The following ZBTB38 variants were observed in gnomAD, a reference collection of about 807,000 sequenced individuals.
ZBTB38 encodes the protein zinc finger and BTB domain containing 38, also known as zinc finger and BTB domain-containing protein 38.
Under a neutral mutation model 76.8 loss-of-function variants are expected in ZBTB38, and 20 were observed. That is an observed-to-expected ratio of 0.26 (90% CI 0.18 to 0.38). The LOEUF (loss-of-function observed/expected upper bound fraction) is 0.38. Among genes scored for constraint, ZBTB38 ranks in the 10% least tolerant of loss-of-function variants. ZBTB38 has a pLI of 1.00. For missense variants in ZBTB38, 1,082 were observed against 1,482.3 expected, an observed-to-expected ratio of 0.73 and a Z score of 4.43; for synonymous variants, 504 against 544.2, an observed-to-expected ratio of 0.93 and a Z score of 1.03.
chr3:141,437,000 G>C (rs2078962413), intron 5 of ZBTB38, among the ~76,000 whole-genome samples: 1 of 152,132 alleles, frequency 6.6e-6, no homozygotes, highest in African/African-American at 2.4e-5. Context: ...TTTAGCCGTA[G>C]CACTTTCTGA....
intron 5 of ZBTB38, among the ~76,000 whole-genome samples, chr3:141,409,042 T>A (rs1955694009): frequency 6.6e-6 from 1 of 152,156 alleles, no homozygotes. Context: ...GGAGTTTATT[T>A]TTTTTTAATT....
intron 1 of ZBTB38, among the ~76,000 whole-genome samples, chr3:141,369,436 G>A (rs1399935415): frequency 6.6e-6 from 1 of 152,230 alleles, no homozygotes; most frequent in Admixed American, 6.5e-5. Flanking sequence ...AAGACACAAT[G>A]TGTCTGTTTT....
At chr3:141,371,164 T>A (rs1043762418) in intron 2 of ZBTB38, among the ~76,000 whole-genome samples, 1 of 147,078 alleles carries the variant, frequency 6.8e-6, no homozygotes, top group Non-Finnish European at 1.5e-5. Context: ...GTGATTCTAC[T>A]GCCTCAGCCT....
chr3:141,428,364 A>G (rs2076790161), intron 5 of ZBTB38, among the ~76,000 whole-genome samples: 1 of 152,226 alleles, frequency 6.6e-6, no homozygotes, highest in South Asian at 2.1e-4. Context: ...GTACACATTC[A>G]TGTGAGGCAA....
chr3:141,398,737 T>A (rs532952657), intron 4 of ZBTB38, among the ~76,000 whole-genome samples: 1 of 152,292 alleles, frequency 6.6e-6, no homozygotes, highest in African/African-American at 2.4e-5. Flanking sequence ...TTAAAATATA[T>A]TTTTTAAATG....
intron 1 of ZBTB38, among the ~76,000 whole-genome samples, chr3:141,359,380 A>T (rs935954484): frequency 1.3e-5 from 2 of 152,134 alleles, no homozygotes; most frequent in African/African-American, 4.8e-5. Context: ...CATGCCACAC[A>T]TCCATGCCTT....
chr3:141,415,819 A>T (rs1252524736), intron 5 of ZBTB38, among the ~76,000 whole-genome samples: 1 of 152,124 alleles, frequency 6.6e-6, no homozygotes, highest in Admixed American at 6.5e-5. Flanking sequence ...TTAATCTTAT[A>T]GTGCCTCATT....
chr3:141,383,526 A>C (rs1208111476), intron 3 of ZBTB38: 1 of 152,240 alleles, frequency 6.6e-6, no homozygotes, highest in African/African-American at 2.4e-5. Flanking sequence ...ACTGATCCAA[A>C]TGTTTATAAA....
chr3:141,334,438 TTCC>T (rs1414135620), intron 1 of ZBTB38, among the ~76,000 whole-genome samples: 3 of 126,376 alleles, frequency 2.4e-5, no homozygotes, highest in African/African-American at 3.4e-5. Flanking sequence ...CCTTCCTTCC[TTCC>T]TTCTTTCCTT....
chr3:141,422,014 C>G lies in ZBTB38; in HGVS notation c.-1+17983C>G, dbSNP rs149006503. 9.7e-4 allele frequency among the ~76,000 whole-genome samples: 147 copies of G among 152,326 alleles called. 2 individuals carry two copies. In the East Asian group the frequency reaches 0.025, roughly 26 times the overall value. On this transcript the variant is annotated intron_variant, in intron 5 of 5. Coordinates refer to ENST00000321464, the MANE Select transcript of ZBTB38 (RefSeq NM_001376113.1). ...ACCCCAAAACACAACCCTGAAAAAG[C>G]TGCCGCTGGGGAAGGGCTCTGCCCA... is the stretch of plus-strand genomic sequence containing the variant.
rs773656539 is a variant in ZBTB38 at position 141,443,722 on chromosome 3, C to T, written c.1334C>T (p.Pro445Leu). The T allele has an allele frequency of 1.9e-6, 3 of 1,613,834 alleles. No individual in the cohort carries two copies. The highest frequency in any genetic ancestry group is 2.5e-6 in the Non-Finnish European group (3 of 1,180,042). The change falls in exon 6 of 6, where the codon CCA (proline) becomes CTA (leucine). Residue 445 changes from proline to leucine, a missense_variant. By Grantham distance (98) the Pro-to-Leu change is moderately conservative. Transcript: ENST00000321464. The surrounding 1 kb of genome is among the most constrained non-coding windows in gnomAD (Gnocchi z 5.6). ...TTTTCCAGTACCGGAAGTACTTTGC[C>T]AGACACGGACCACATGGTTAAATTT... ...GEFSSTGSTL[P>L]DTDHMVKFVN... is the part of the protein sequence containing the mutation.
chr3:141,431,323 C>CAAAAAAAAAAAAA lies in ZBTB38; in HGVS notation c.1-11059_1-11047dup, dbSNP rs71976494. ...GGGGGACAAGAGCGAGACTTCGTCT[C>CAAAAAAAAAAAAA]AAAAAAAAAAAAAAAAAAATATATA... On this transcript the variant is annotated intron_variant, in intron 5 of 5. Transcript: ENST00000321464. Among the ~76,000 whole-genome samples the CAAAAAAAAAAAAA allele has an allele frequency of 9.9e-5, 10 of 101,402 alleles. 1 individual carries two copies. The East Asian group carries it at 1.8e-3, about 19-fold the overall frequency. The allele number at this position is 101,402 out of a possible 152,430, so 66.5% of individuals were successfully genotyped here.
At chr3:141,364,676 TAAAAAAAAAAAAAAAAAAAAAA>T, upstream of ZBTB38, among the ~76,000 whole-genome samples, 1 of 43,440 alleles carries the variant, frequency 2.3e-5, no homozygotes, top group East Asian at 3.8e-3. Flanking sequence ...AAACTACATC[TAAAAAAAAAAAAAAAAAAAAAA>T]AAAAAAAAAA....
chr3:141,402,196 G>A (rs2149570884), intron 4 of ZBTB38, among the ~76,000 whole-genome samples: 1 of 152,238 alleles, frequency 6.6e-6, no homozygotes, highest in Non-Finnish European at 1.5e-5. Flanking sequence ...GGGTCCCGCC[G>A]CCGCCCTCCT....
rs369149006 is a variant in ZBTB38, at chr3:141,443,541, A to G, written c.1153A>G (p.Arg385Gly). 3.7e-6 allele frequency: 6 copies of G among 1,614,228 alleles called. No individual in the cohort carries two copies. Among genetic ancestry groups the G allele is most frequent in the Non-Finnish European group, 5.1e-6 (6 of 1,180,040 alleles). ...CAACAAACAATTCACCACCCTGAAC[A>G]GGTTGGATCGGCATGAACAGATCTG... is the stretch of plus-strand genomic sequence containing the variant. ...YCNKQFTTLN[R>G]LDRHEQICMR... is the part of the protein sequence containing the mutation. Residue 385 changes from arginine (R) to glycine (G), a missense_variant, in exon 6 of 6, where the codon AGG (arginine) becomes GGG (glycine). Around this residue, in one of 8 missense-constraint regions of ZBTB38, gnomAD observed 324 missense variants for 359.1 expected, o/e 0.90. Transcript: ENST00000321464. The surrounding 1 kb of genome is among the most constrained non-coding windows in gnomAD (Gnocchi z 5.6).
At chr3:141,417,378 A>G (rs2074304021) in intron 5 of ZBTB38, among the ~76,000 whole-genome samples, 1 of 152,186 alleles carries the variant, frequency 6.6e-6, no homozygotes, top group African/African-American at 2.4e-5. Flanking sequence ...CAGAGGGAGC[A>G]CAGACTTCAC....
intron 5 of ZBTB38, among the ~76,000 whole-genome samples, chr3:141,435,517 G>A (rs960342582): frequency 2.0e-5 from 3 of 152,142 alleles, no homozygotes. Context: ...CCAGCACTTT[G>A]GGAGGCTGAG....
rs147261844 is a variant in ZBTB38 at position 141,426,803 on chromosome 3, C to G, written c.1-15586C>G. 2.3e-3 allele frequency among the ~76,000 whole-genome samples: 353 copies of G among 152,308 alleles called. 7 individuals are homozygous for G. The South Asian group carries it at 0.038, about 16-fold the overall frequency. ...TGTCGGTAGTGCTTGAAAGATTGCT[C>G]TTTTTCTTCCTTTTGGCCAAAATGG... On this transcript the variant is annotated intron_variant, in intron 5 of 5. Coordinates refer to ENST00000321464, the MANE Select transcript of ZBTB38 (RefSeq NM_001376113.1).
At chr3:141,362,349 T>A (rs1181761251) in intron 1 of ZBTB38, among the ~76,000 whole-genome samples, 1 of 152,172 alleles carries the variant, frequency 6.6e-6, no homozygotes, top group Non-Finnish European at 1.5e-5. Context: ...GATGGGCCAT[T>A]GGGTAGCAAC....
Sources: allele counts gnomAD v4.1 joint callset (sites outside exome capture counted in the v4.1 genomes callset), GRCh38; gene constraint gnomAD v4.1.1; regional missense constraint gnomAD v4.1.1; non-coding constraint Gnocchi (gnomAD v3.1); transcripts MANE v1.5; gene names NCBI Gene and HGNC (gene_info 2026-07-23, HGNC 2026-07-21).